The following ABTB3 variants were observed in gnomAD, a reference collection of about 807,000 sequenced individuals.
ABTB3 encodes ankyrin repeat- and BTB/POZ domain-containing protein 3.
At chr12:107,377,650 ATAACTC>A in the ABTB3 span, among the ~76,000 whole-genome samples, 1 of 152,150 alleles carries the variant, frequency 6.6e-6, no homozygotes, top group Non-Finnish European at 1.5e-5. Context: ...GGTTAGACGA[ATAACTC>A]TTTGCTGAGC....
the ABTB3 span, among the ~76,000 whole-genome samples, chr12:107,530,613 T>C: frequency 2.0e-5 from 3 of 152,252 alleles, no homozygotes; most frequent in Non-Finnish European, 4.4e-5. Flanking sequence ...TGAATTTTGC[T>C]CTTTTCTACT....
At chr12:107,369,392 G>GTTTTTTTTTTTTTTTTTTTTTTT in the ABTB3 span, among the ~76,000 whole-genome samples, 5 of 134,904 alleles carry the variant, frequency 3.7e-5, no homozygotes, top group African/African-American at 5.6e-5. Context: ...TCAAACAAGG[G>GTTTTTTTTTTTTTTTTTTTTTTT]TTTTTTTTTT....
chr12:107,445,058 C>G, the ABTB3 span, among the ~76,000 whole-genome samples: 6 of 152,236 alleles, frequency 3.9e-5, no homozygotes, highest in East Asian at 1.9e-4. Context: ...GCTCTCCCCC[C>G]AGCCTGGGGC....
the ABTB3 span, chr12:107,520,431 A>T: frequency 6.3e-7 from 1 of 1,581,970 alleles, no homozygotes; most frequent in Non-Finnish European, 8.6e-7. Context: ...TCCCTCGGTT[A>T]ACTGAAAAAT....
the ABTB3 span, among the ~76,000 whole-genome samples, chr12:107,428,842 A>C: frequency 3.3e-5 from 5 of 152,310 alleles, no homozygotes; most frequent in East Asian, 9.7e-4. Context: ...GGCCAGCAGC[A>C]CTCGTCATGT....
the ABTB3 span, among the ~76,000 whole-genome samples, chr12:107,576,901 C>G: frequency 1.3e-5 from 2 of 152,210 alleles, no homozygotes; most frequent in Non-Finnish European, 2.9e-5. Flanking sequence ...CTCCCCAAAA[C>G]TTTCTGTCCC....
At chr12:107,326,850 G>T in the ABTB3 span, among the ~76,000 whole-genome samples, 1 of 152,242 alleles carries the variant, frequency 6.6e-6, no homozygotes, top group African/African-American at 2.4e-5. Flanking sequence ...CAGTAGTGAT[G>T]AAATCTTGCC....
the ABTB3 span, among the ~76,000 whole-genome samples, chr12:107,508,347 GA>G: frequency 6.6e-6 from 1 of 150,690 alleles, no homozygotes; most frequent in African/African-American, 2.4e-5. Context: ...CCTTGATATA[GA>G]GTAAGGTAGA....
chr12:107,335,219 T>C, the ABTB3 span, among the ~76,000 whole-genome samples: 1 of 135,854 alleles, frequency 7.4e-6, no homozygotes, highest in East Asian at 2.2e-4. Context: ...CCCAGGAGTT[T>C]GAGGCTGCAG....
chr12:107,646,646 C>T, the ABTB3 span, among the ~76,000 whole-genome samples: 5 of 152,210 alleles, frequency 3.3e-5, no homozygotes, highest in Admixed American at 2.6e-4. Context: ...AGCCCAAAGC[C>T]GGTATGTGGG....
the ABTB3 span, among the ~76,000 whole-genome samples, chr12:107,562,024 G>A: frequency 1.3e-5 from 2 of 152,156 alleles, no homozygotes; most frequent in African/African-American, 4.8e-5. Context: ...TGGCATAATA[G>A]CTTCTTTTCT....
At chr12:107,395,332 C>T in the ABTB3 span, among the ~76,000 whole-genome samples, 1 of 152,128 alleles carries the variant, frequency 6.6e-6, no homozygotes, top group African/African-American at 2.4e-5. Flanking sequence ...TCTTGGCCTC[C>T]CTGGTAACAG....
chr12:107,645,120 C>T, the ABTB3 span, among the ~76,000 whole-genome samples: 1 of 152,022 alleles, frequency 6.6e-6, no homozygotes, highest in African/African-American at 2.4e-5. Context: ...TAACAGGTGC[C>T]GCTTGGCTAA....
At chr12:107,398,113 A>G in the ABTB3 span, among the ~76,000 whole-genome samples, 1 of 151,904 alleles carries the variant, frequency 6.6e-6, no homozygotes, top group Non-Finnish European at 1.5e-5. Context: ...TGAATTACAG[A>G]CCTTTCCATT....
chr12:107,544,633 A>T, the ABTB3 span, among the ~76,000 whole-genome samples: 1 of 152,194 alleles, frequency 6.6e-6, no homozygotes, highest in African/African-American at 2.4e-5. Flanking sequence ...GAAGGAAGGA[A>T]CTGGGAGAGG....
At chr12:107,524,436 G>T in the ABTB3 span, among the ~76,000 whole-genome samples, 2 of 152,148 alleles carry the variant, frequency 1.3e-5, no homozygotes, top group Admixed American at 1.3e-4. Context: ...TTCCAAAAAA[G>T]GTGAGATGGA....
At chr12:107,355,150 G>GCATGTCTCCCCAGGC in the ABTB3 span, among the ~76,000 whole-genome samples, 1 of 152,186 alleles carries the variant, frequency 6.6e-6, no homozygotes, top group Admixed American at 6.5e-5. Flanking sequence ...GAGATCTTTC[G>GCATGTCTCCCCAGGC]CATGTCTCCC....
chr12:107,442,982 G>A, the ABTB3 span, among the ~76,000 whole-genome samples: 1 of 152,164 alleles, frequency 6.6e-6, no homozygotes, highest in South Asian at 2.1e-4. Context: ...CCTTCTTGCT[G>A]TGTCCCCTAT....
the ABTB3 span, among the ~76,000 whole-genome samples, chr12:107,376,918 G>A: frequency 1.3e-3 from 191 of 152,258 alleles, no homozygotes; most frequent in African/African-American, 4.2e-3. Context: ...GCCCAGGCCC[G>A]TCTGAGTCCA....
Sources: allele counts gnomAD v4.1 joint callset (sites outside exome capture counted in the v4.1 genomes callset), GRCh38; gene constraint gnomAD v4.1.1; transcripts MANE v1.5; gene names NCBI Gene and HGNC (gene_info 2026-07-23, HGNC 2026-07-21).